ECE1: variants seen among roughly 807,000 people sequenced by gnomAD.
ECE1 encodes the protein endothelin-converting enzyme 1.
A neutral mutation model predicts 98.6 loss-of-function variants in ECE1; 35 were observed. That is an observed-to-expected ratio of 0.35 (90% CI 0.27 to 0.47). ECE1 has a LOEUF of 0.47. ECE1 is among the 20% of genes least tolerant of loss of function. The pLI is 1.00. For missense variants in ECE1, 814 were observed against 1,025.3 expected, an observed-to-expected ratio of 0.79 and a Z score of 2.81; for synonymous variants, 394 against 407.1, an observed-to-expected ratio of 0.97 and a Z score of 0.39.
intron 1 of ECE1, among the ~76,000 whole-genome samples, chr1:21,342,623 C>T (rs891333540): frequency 3.2e-5 from 4 of 126,412 alleles, no homozygotes; most frequent in African/African-American, 1.1e-4. Context: ...CACACACACA[C>T]ACACACACAC....
chr1:21,304,625 C>T (rs1169757817), intron 1 of ECE1, among the ~76,000 whole-genome samples: 1 of 152,196 alleles, frequency 6.6e-6, no homozygotes. Flanking sequence ...TGGCGACAGA[C>T]ATCAGAACAG....
chr1:21,271,621 T>G (rs1475338841), intron 4 of ECE1, among the ~76,000 whole-genome samples: 1 of 152,072 alleles, frequency 6.6e-6, no homozygotes, highest in Non-Finnish European at 1.5e-5. Flanking sequence ...GTGGGAGGGT[T>G]AAGGTGGGCA....
chr1:21,242,789 T>A (rs1052900731), intron 10 of ECE1, among the ~76,000 whole-genome samples: 3 of 152,184 alleles, frequency 2.0e-5, no homozygotes, highest in African/African-American at 7.2e-5. Context: ...ATTAATTTTT[T>A]AAAAAGTGAT....
At chr1:21,339,910 A>G (rs1296976943) in intron 1 of ECE1, among the ~76,000 whole-genome samples, 1 of 152,194 alleles carries the variant, frequency 6.6e-6, no homozygotes, top group Non-Finnish European at 1.5e-5. Context: ...GGCAGGCCCC[A>G]GGTCCTGGAC....
rs2098172620 is a variant in ECE1, at chr1:21,225,306, G to GCCCGTTCACCGGCTC, written c.1969_1983dup (p.Glu657_Gly661dup). 1 of 1,614,088 alleles carries GCCCGTTCACCGGCTC rather than the reference G, an allele frequency of 6.2e-7. No individual in the cohort carries two copies. Among genetic ancestry groups the GCCCGTTCACCGGCTC allele is most frequent in the Non-Finnish European group, 8.5e-7 (1 of 1,180,042 alleles). On this transcript the variant is annotated inframe_insertion, in exon 17 of 19. Transcript: ENST00000374893. The surrounding 1 kb of genome is among the most constrained non-coding windows in gnomAD (Gnocchi z 5.3). The stretch of plus-strand genomic sequence containing the variant: ...GCGATGTTCTCCCCCAGGGTGTGCC[G>GCCCGTTCACCGGCTC]CCCGTTCACCGGCTCCCCGTTCACG...
intron 4 of ECE1, among the ~76,000 whole-genome samples, chr1:21,263,747 C>A (rs1269492120): frequency 6.6e-6 from 1 of 152,064 alleles, no homozygotes; most frequent in South Asian, 2.1e-4. Context: ...TTCATGCCCC[C>A]TCTGTGTGTG....
intron 2 of ECE1, among the ~76,000 whole-genome samples, chr1:21,282,899 A>G (rs984346544): frequency 1.3e-5 from 2 of 151,672 alleles, no homozygotes; most frequent in Non-Finnish European, 2.9e-5. Context: ...GATCATATTA[A>G]TTCTATTTTG....
At chr1:21,310,276 T>C (rs1638689259) in intron 1 of ECE1, among the ~76,000 whole-genome samples, 1 of 152,178 alleles carries the variant, frequency 6.6e-6, no homozygotes, top group Non-Finnish European at 1.5e-5. Flanking sequence ...ATCTCTGAGA[T>C]TAGACATCCT....
At chr1:21,310,560 C>T (rs759729864) in intron 1 of ECE1, among the ~76,000 whole-genome samples, 50 of 152,088 alleles carry the variant, frequency 3.3e-4, no homozygotes, top group Admixed American at 1.5e-3. Context: ...TTGCTGTTAG[C>T]AGAAGAAAGG....
intron 10 of ECE1, among the ~76,000 whole-genome samples, chr1:21,244,301 C>T (rs774113105): frequency 2.6e-5 from 4 of 152,182 alleles, no homozygotes; most frequent in African/African-American, 9.7e-5. Flanking sequence ...CCGGTGTGGG[C>T]TCTCGGGGTA....
Position 21,219,092 on chromosome 1 carries a change from C to T in ECE1, c.*863G>A, listed in dbSNP as rs1432461556. The T allele has an allele frequency of 1.3e-5, 2 of 152,396 alleles. No homozygotes were observed. The highest frequency in any genetic ancestry group is 2.9e-5 in the Non-Finnish European group (2 of 68,194). The allele number at this position is 152,396 out of a possible 1,614,324, so 9.4% of individuals were successfully genotyped here. On this transcript the variant is annotated 3_prime_UTR_variant, in exon 19 of 19. Coordinates refer to ENST00000374893, the MANE Select transcript of ECE1 (RefSeq NM_001397.3). The surrounding 1 kb of genome is among the most constrained non-coding windows in gnomAD (Gnocchi z 4.5). ...TCACCCCGCAGGGCTCCTGCAGTCT[C>T]GATTCAGGGTGCTTGGTGTTCCCAG...
chr1:21,303,279 C>A (rs117276054), intron 1 of ECE1, among the ~76,000 whole-genome samples: 2 of 152,336 alleles, frequency 1.3e-5, no homozygotes, highest in South Asian at 2.1e-4. Context: ...CCATCCCCAG[C>A]GGCCTCACCC....
At chr1:21,280,999 G>T (rs1157455834) in intron 2 of ECE1, among the ~76,000 whole-genome samples, 1 of 152,206 alleles carries the variant, frequency 6.6e-6, no homozygotes, top group Admixed American at 6.5e-5. Context: ...GACCAGCCTG[G>T]CCAACATAGA....
intron 2 of ECE1, among the ~76,000 whole-genome samples, chr1:21,282,588 GAAA>G (rs34279756): frequency 2.5e-5 from 3 of 120,210 alleles, no homozygotes; most frequent in Admixed American, 9.1e-5. Flanking sequence ...ACGCTGTCTT[GAAA>G]AAAAAAAAAA....
Position 21,314,629 on chromosome 1 carries a change from TTCC to T in ECE1, c.4-24476_4-24474del. On this transcript the variant is annotated intron_variant, in intron 1 of 18. Transcript: ENST00000415912. ...AAGGGTCAGACAGCCCCTCTCCATC[TTCC>T]TTTGTCATCTAAATCCAACCTCCCC... Among the ~76,000 whole-genome samples the T allele has an allele frequency of 2.0e-5, 3 of 152,268 alleles. 1 individual carries two copies. The highest frequency in any genetic ancestry group is 2.0e-4 in the Admixed American group (3 of 15,306).
At chr1:21,335,699 C>A (rs933709747) in intron 1 of ECE1, among the ~76,000 whole-genome samples, 1 of 152,186 alleles carries the variant, frequency 6.6e-6, no homozygotes, top group Admixed American at 6.5e-5. Context: ...CCAAATGGTC[C>A]TTCTGCAAGC....
In ECE1 at chr1:21,331,016, C is replaced by T. The variant is rs140900620; in HGVS notation, c.3+14360G>A. Among the ~76,000 whole-genome samples the T allele has an allele frequency of 2.3e-3, 353 of 152,276 alleles. 1 individual carries two copies. The highest frequency in any genetic ancestry group is 8.0e-3 in the African/African-American group (333 of 41,556). ...ATTCAGCCAGGGGTGGTGGTTCACG[C>T]CTGTCATCCCAAACTTTGGGGGTCC... On this transcript the variant is annotated intron_variant, in intron 1 of 18. Transcript: ENST00000415912.
chr1:21,254,647 C>A (rs3026885), intron 8 of ECE1, among the ~76,000 whole-genome samples: 75 of 152,174 alleles, frequency 4.9e-4, no homozygotes, highest in African/African-American at 1.7e-3. Flanking sequence ...GCCCCTCAGG[C>A]TGAGAAATCG....
chr1:21,333,868 A>G (rs61781598), intron 1 of ECE1, among the ~76,000 whole-genome samples: 9,108 of 152,230 alleles, frequency 0.06, 385 homozygotes, highest in Middle Eastern at 0.14. Flanking sequence ...CAAAGGTAAT[A>G]ACAGCTCCCA....
Sources: gnomAD v4.1 joint callset for allele counts (sites outside exome capture counted in the v4.1 genomes callset) on GRCh38, gnomAD v4.1.1 for gene constraint, Gnocchi (gnomAD v3.1) non-coding constraint, MANE v1.5 for transcripts, NCBI Gene and HGNC (gene_info 2026-07-23, HGNC 2026-07-21) for gene names.